FLT1: variants seen among roughly 807,000 people sequenced by gnomAD.
The protein encoded by FLT1 is vascular endothelial growth factor receptor 1.
A neutral mutation model predicts 156.3 loss-of-function variants in FLT1; 49 were observed. The observed-to-expected ratio is 0.31, with a 90% CI of 0.25 to 0.40. The LOEUF (loss-of-function observed/expected upper bound fraction) is 0.40. Among genes scored for constraint, FLT1 ranks in the 10% least tolerant of loss-of-function variants. The pLI, the probability that FLT1 is intolerant of heterozygous loss-of-function variation, is 1.00. For missense variants in FLT1, 1,322 were observed against 1,637.2 expected (o/e 0.81, Z 3.32); for synonymous variants, 594 against 583.8 (o/e 1.02, Z -0.25).
At chr13:28,381,029 C>T (rs1002537742) in intron 14 of FLT1, among the ~76,000 whole-genome samples, 1 of 152,166 alleles carries the variant, frequency 6.6e-6, no homozygotes. Context: ...GCACACTGGA[C>T]TCTTTTTTTG....
At chr13:28,434,929 G>A (rs2137554674) in intron 4 of FLT1, among the ~76,000 whole-genome samples, 1 of 152,166 alleles carries the variant, frequency 6.6e-6, no homozygotes, top group East Asian at 1.9e-4. Context: ...TACCGGGGCT[G>A]CCAGATTATT....
chr13:28,429,965 G>C, intron 8 of FLT1, 85 bp downstream of exon 8: 1 of 913,758 alleles, frequency 1.1e-6, no homozygotes, highest in South Asian at 1.3e-5. Flanking sequence ...TTGGTATTTT[G>C]TCAGGAATTC....
chr13:28,350,394 A>T (rs1872702188), intron 15 of FLT1, among the ~76,000 whole-genome samples: 1 of 151,974 alleles, frequency 6.6e-6, no homozygotes, highest in Admixed American at 6.5e-5. Flanking sequence ...TCCCTTTTGG[A>T]ATAGGGAGGG....
chr13:28,398,233 T>C (rs1875184525), intron 11 of FLT1, among the ~76,000 whole-genome samples: 1 of 152,148 alleles, frequency 6.6e-6, no homozygotes, highest in Admixed American at 6.6e-5. Context: ...AAATAACTGG[T>C]TATGGGCTTT....
chr13:28,459,380 C>G (rs952377152), intron 3 of FLT1, among the ~76,000 whole-genome samples: 1 of 152,186 alleles, frequency 6.6e-6, no homozygotes, highest in Non-Finnish European at 1.5e-5. Flanking sequence ...CTGATCAAAA[C>G]TTTGGAAACC....
At chr13:28,390,410 T>C (rs1419433018) in intron 12 of FLT1, among the ~76,000 whole-genome samples, 2 of 152,194 alleles carry the variant, frequency 1.3e-5, no homozygotes, top group Admixed American at 1.3e-4. Context: ...TTCCCTTTTT[T>C]TTTGAATCAG....
rs369226287 is a variant in FLT1, at chr13:28,343,322, C to T, written c.2355+2123G>A. Among the ~76,000 whole-genome samples, 686 of 149,992 alleles carry T rather than the reference C, an allele frequency of 4.6e-3. 6 individuals are homozygous for T. The highest frequency in any genetic ancestry group is 0.016 in the African/African-American group (642 of 40,770). On this transcript the variant is annotated intron_variant, in intron 16 of 29. Transcript: ENST00000282397. ...TTTCTTTTCTTTTTTTTTTTTGAGA[C>T]GGAGTTTCACTCTTGTTGCCCAGAC...
At chr13:28,370,362 T>C (rs1415722286) in intron 14 of FLT1, among the ~76,000 whole-genome samples, 2 of 152,148 alleles carry the variant, frequency 1.3e-5, no homozygotes, top group Non-Finnish European at 2.9e-5. Context: ...ATATACCTAA[T>C]GTTAAATGAC....
In FLT1 at chr13:28,468,180, T is replaced by C. The variant is rs529106694; in HGVS notation, c.65-563A>G. Among the ~76,000 whole-genome samples, 301 of 152,386 alleles carry C rather than the reference T, an allele frequency of 2.0e-3. 2 individuals are homozygous for C. Among genetic ancestry groups the C allele is most frequent in the African/African-American group, 7.0e-3 (292 of 41,598 alleles). On this transcript the variant is annotated intron_variant, in intron 1 of 29. Coordinates refer to ENST00000282397, the MANE Select transcript of FLT1 (RefSeq NM_002019.4). ...CCCTTTCTGAACCAGTTTCCTCATT[T>C]GGAAAACTAATTATAGAATCAAAAT...
At chr13:28,445,567 G>T (rs1254318798) in intron 3 of FLT1, among the ~76,000 whole-genome samples, 1 of 152,154 alleles carries the variant, frequency 6.6e-6, no homozygotes, top group Non-Finnish European at 1.5e-5. Flanking sequence ...GATCACAGAT[G>T]AAATGGATAA....
rs200397496 is a variant in FLT1, at chr13:28,339,124, T to C, written c.2488+44A>G. 53 of 1,585,904 alleles carry C rather than the reference T, an allele frequency of 3.3e-5. No homozygotes were observed. In the East Asian group the frequency reaches 9.6e-4, roughly 29 times the overall value. ...AAAGCACAGTGTTTTTCATGTAATATGTGCTCAGTATAGGTTTATGAATCT... is the reference window on the plus strand; with the variant it reads ...AAAGCACAGTGTTTTTCATGTAATACGTGCTCAGTATAGGTTTATGAATCT... On this transcript the variant is annotated intron_variant, in intron 17 of 29. Transcript: ENST00000282397.
intron 14 of FLT1, among the ~76,000 whole-genome samples, chr13:28,365,223 T>C (rs1235436787): frequency 2.0e-5 from 3 of 152,226 alleles, no homozygotes; most frequent in Non-Finnish European, 4.4e-5. Context: ...TGCTTTTCTT[T>C]AGTTATATTT....
intron 11 of FLT1, among the ~76,000 whole-genome samples, chr13:28,397,310 G>C (rs1875107272): frequency 1.3e-5 from 2 of 152,154 alleles, no homozygotes; most frequent in African/African-American, 2.4e-5. Context: ...AGGGTTTCAG[G>C]CTTATTTATC....
chr13:28,379,442 C>T (rs1202147436), intron 14 of FLT1, among the ~76,000 whole-genome samples: 1 of 152,032 alleles, frequency 6.6e-6, no homozygotes, highest in African/African-American at 2.4e-5. Context: ...CCCAGAGGAC[C>T]GAAGGGAGAA....
chr13:28,381,965 A>G (rs1371722501), intron 14 of FLT1, among the ~76,000 whole-genome samples: 1 of 152,224 alleles, frequency 6.6e-6, no homozygotes, highest in African/African-American at 2.4e-5. Context: ...TTAGGTTCTG[A>G]AGATGAAAAG....
chr13:28,434,563 T>G lies in FLT1; in HGVS notation c.514-343A>C, dbSNP rs147804017. ...CTTTGGCCTCCGGGAATCTTCATAA[T>G]AAGCTGGTCAGACACTCAATAGACA... On this transcript the variant is annotated intron_variant, in intron 4 of 29. Coordinates refer to ENST00000282397, the MANE Select transcript of FLT1 (RefSeq NM_002019.4). Among the ~76,000 whole-genome samples, 1,034 of 152,322 alleles carry G rather than the reference T, an allele frequency of 6.8e-3. 11 individuals carry two copies. The highest frequency in any genetic ancestry group is 0.023 in the African/African-American group (965 of 41,568).
intron 1 of FLT1, among the ~76,000 whole-genome samples, chr13:28,487,228 G>A (rs1037451703): frequency 3.9e-5 from 6 of 152,228 alleles, no homozygotes; most frequent in Non-Finnish European, 5.9e-5. Flanking sequence ...TTCTAATGTA[G>A]AGCCCAGGCT....
chr13:28,476,739 C>CA (rs1172443737), intron 1 of FLT1, among the ~76,000 whole-genome samples: 1 of 152,096 alleles, frequency 6.6e-6, no homozygotes, highest in Non-Finnish European at 1.5e-5. Flanking sequence ...ATCCAGGTGT[C>CA]AAAAAATAAA....
intron 3 of FLT1, among the ~76,000 whole-genome samples, chr13:28,461,428 C>T (rs1486135859): frequency 6.6e-6 from 1 of 152,122 alleles, no homozygotes; most frequent in Non-Finnish European, 1.5e-5. Context: ...CTCTGTCCAG[C>T]TCATGCAAGT....
Sources: gnomAD v4.1 joint callset for allele counts (sites outside exome capture counted in the v4.1 genomes callset) on GRCh38, gnomAD v4.1.1 for gene constraint, MANE v1.5 for transcripts, NCBI Gene and HGNC (gene_info 2026-07-23, HGNC 2026-07-21) for gene names.